The following USP11 variants were observed in gnomAD, a reference collection of about 807,000 sequenced individuals.
USP11 encodes the protein ubiquitin carboxyl-terminal hydrolase 11.
In USP11, 5 loss-of-function variants were observed where a neutral mutation model predicts 72.8. The ratio of observed to expected loss-of-function variants is 0.07; its 90% confidence interval spans 0.04 to 0.14. The LOEUF (loss-of-function observed/expected upper bound fraction) is 0.14, where lower values mean the gene tolerates loss of function less well. Among genes scored for constraint, USP11 ranks in the 10% least tolerant of loss-of-function variants. The pLI is 1.00. For missense variants in USP11, 480 were observed against 794.7 expected, an observed-to-expected ratio of 0.60 and a Z score of 4.76; for synonymous variants, 368 against 326.5, an observed-to-expected ratio of 1.13 and a Z score of -1.37.
chrX:47,246,651 A>G (rs2056719513), intron 17 of USP11, among the ~76,000 whole-genome samples: 2 of 111,064 alleles, frequency 1.8e-5, no homozygotes, highest in Admixed American at 2.0e-4. Context: ...ATGGGCTAAT[A>G]GTAAGAGCAG....
intron 1 of USP11, among the ~76,000 whole-genome samples, chrX:47,235,141 G>C (rs764589469): frequency 1.1e-4 from 12 of 112,161 alleles, no homozygotes; most frequent in African/African-American, 3.6e-4. Context: ...CTTGCTCCAT[G>C]GGAAACTGTT....
At chrX:47,245,117 T>C in intron 16 of USP11, 31 bp downstream of exon 16, 1 of 1,196,614 alleles carries the variant, frequency 8.4e-7, no homozygotes, top group Non-Finnish European at 1.1e-6. Flanking sequence ...GGGGGGTACT[T>C]CCAGCTCTTG....
chrX:47,242,814 C>T (rs1168012117), intron 12 of USP11, 94 bp downstream of exon 12: 29 of 699,246 alleles, frequency 4.1e-5, no homozygotes, highest in Non-Finnish European at 6.5e-5. Flanking sequence ...CTCTTCCCTG[C>T]CTCTGCCTCG....
Position 47,242,513 on chromosome X carries a change from G to T in USP11, c.1479G>T (p.Ser493=), listed in dbSNP as rs993451151. The T allele has an allele frequency of 8.3e-7, 1 of 1,211,753 alleles. No individual in the cohort carries two copies. Among genetic ancestry groups the T allele is most frequent in the Non-Finnish European group, 1.1e-6 (1 of 895,471 alleles). ...CVALSKHTGI[S]PERMMVADVF... ...CTCTGTCCAAACACACGGGCATCTC[G>T]CCAGAGAGGGTGAGACTGCAGAAGG... Residue 493 remains serine, a synonymous_variant, in exon 11 of 21, where the codon TCG becomes TCT. Transcript: ENST00000377107.
At chrX:47,244,427 T>C (rs2055420917) in intron 13 of USP11, 71 bp from the exon 14 acceptor site, 1 of 1,129,308 alleles carries the variant, frequency 8.9e-7, no homozygotes, top group African/African-American at 1.8e-5. Context: ...CCCATTATCT[T>C]AAGTAAAATC....
chrX:47,236,469 G>A (rs2055372433), intron 1 of USP11, among the ~76,000 whole-genome samples: 1 of 112,182 alleles, frequency 8.9e-6, no homozygotes, highest in African/African-American at 3.2e-5. Flanking sequence ...ATTTGGGTGA[G>A]GGTAGTTAAT....
intron 13 of USP11, 45 bp downstream of exon 13, chrX:47,243,647 C>G (rs770235562): frequency 2.6e-6 from 3 of 1,156,713 alleles, no homozygotes; most frequent in Non-Finnish European, 3.5e-6. Context: ...GGGGTCTGAA[C>G]TCCGACTTGG....
intron 4 of USP11, 100 bp downstream of exon 4, chrX:47,240,007 G>A: frequency 1.1e-6 from 1 of 908,487 alleles, no homozygotes; most frequent in Admixed American, 2.3e-5. Context: ...GACTGAGAAG[G>A]CACTGGTCAG....
In USP11 at chrX:47,240,630, G is replaced by C; in HGVS notation, c.725G>C (p.Ser242Thr). 1 of 1,212,112 alleles carries C rather than the reference G, an allele frequency of 8.3e-7. No individual in the cohort carries two copies. The highest frequency in any genetic ancestry group is 1.7e-5 in the African/African-American group (1 of 57,878). ...ETRKKDGTWPSAQLHVMNNNM... is the reference protein window; with the variant it reads ...ETRKKDGTWPTAQLHVMNNNM... The stretch of plus-strand genomic sequence containing the variant: ...CGCAAGAAAGATGGCACTTGGCCCA[G>C]CGCACAGCTGCATGTCATGTGAGCC... Residue 242 changes from serine to threonine, a missense_variant, in exon 6 of 21, where the codon AGC becomes ACC. Around this residue, in one of 5 missense-constraint regions of USP11, gnomAD observed 80 missense variants for 100.9 expected, o/e 0.79. Transcript: ENST00000377107.
intron 13 of USP11, among the ~76,000 whole-genome samples, chrX:47,244,255 C>T (rs1006987268): frequency 9.1e-6 from 1 of 109,881 alleles, no homozygotes; most frequent in Non-Finnish European, 1.9e-5. Context: ...CGCGCCACCA[C>T]GCCCAGCTAA....
At chrX:47,235,131 C>T (rs2055365856) in intron 1 of USP11, among the ~76,000 whole-genome samples, 2 of 112,334 alleles carry the variant, frequency 1.8e-5, no homozygotes, top group Non-Finnish European at 3.8e-5. Flanking sequence ...AATTCCCCTC[C>T]TTGCTCCATG....
chrX:47,240,369 G>A lies in USP11; in HGVS notation c.600G>A (p.Trp200Ter). The change falls in exon 5 of 21, where the codon TGG (tryptophan) becomes TGA (stop). Residue 200 changes from tryptophan to a stop codon, truncating the protein, a stop_gained. Transcript: ENST00000377107. LOFTEE classifies it high-confidence loss of function. ...AGCCCCAGGAAGACACTCGGCTTTG[G>A]GCCAAGAACTCAGAAGGCTCTTTGG... is the stretch of plus-strand genomic sequence containing the variant. Reference protein sequence around the residue: ...LVEPQEDTRLWAKNSEGSLDR... With the variant: ...LVEPQEDTRL The A allele has an allele frequency of 8.3e-7, 1 of 1,211,823 alleles. No individual in the cohort carries two copies. Among genetic ancestry groups the A allele is most frequent in the Non-Finnish European group, 1.1e-6 (1 of 895,541 alleles).
chrX:47,237,660 CAATAT>C (rs2055378923), intron 1 of USP11, among the ~76,000 whole-genome samples: 4 of 111,073 alleles, frequency 3.6e-5, no homozygotes, highest in African/African-American at 6.6e-5. Context: ...GAAAACCAGC[CAATAT>C]AATGTTATGT....
intron 8 of USP11, 37 bp from the exon 9 acceptor site, chrX:47,241,504 C>T (rs574041216): frequency 1.3e-5 from 16 of 1,185,956 alleles, no homozygotes; most frequent in Middle Eastern, 2.4e-4. Context: ...GCTCTCCTAA[C>T]TCCCTCTCTC....
chrX:47,248,167 C>T lies in USP11; in HGVS notation c.*237C>T, dbSNP rs1299007954. On this transcript the variant is annotated 3_prime_UTR_variant, in exon 21 of 21. Coordinates refer to ENST00000377107, the MANE Select transcript of USP11 (RefSeq NM_001371072.1). ...TTTGCCCTTCCAGCAGTGACCCTCC[C>T]TTCTAGTCTTTATTTATGGTCGTGC... 7.2e-6 allele frequency: 3 copies of T among 416,415 alleles called. No homozygotes were observed. The highest frequency in any genetic ancestry group is 5.1e-5 in the African/African-American group (2 of 39,291). 34.3% of individuals were successfully genotyped at this position (416,415 alleles called of 1,213,427 possible). A position where few individuals can be genotyped will look rare whatever the true frequency, so the allele number is the denominator to read the frequency against.
rs2055446500 is a variant in USP11, at chrX:47,248,082, C to T, written c.*152C>T. On this transcript the variant is annotated 3_prime_UTR_variant, in exon 21 of 21. Transcript: ENST00000377107. ...CTACTGTTCTCCTGTGCCGCTGCAT[C>T]GCTCTCTCCCGGGAAAGAACAGGTC... 8.3e-6 allele frequency: 7 copies of T among 846,673 alleles called. No homozygotes were observed. The highest frequency in any genetic ancestry group is 7.0e-5 in the East Asian group (2 of 28,759). 69.8% of individuals were successfully genotyped at this position (846,673 alleles called of 1,213,427 possible).
At chrX:47,247,032 AAAG>A (rs2147355783) in intron 17 of USP11, 37 bp from the exon 18 acceptor site, 1 of 1,164,340 alleles carries the variant, frequency 8.6e-7, no homozygotes, top group Non-Finnish European at 1.1e-6. Flanking sequence ...AAAAAAAAAA[AAAG>A]AAAAAGTCCG....
At chrX:47,238,187 C>CTT (rs756979418) in intron 1 of USP11, among the ~76,000 whole-genome samples, 36 of 84,342 alleles carry the variant, frequency 4.3e-4, no homozygotes, top group African/African-American at 6.6e-4. Context: ...ATATGCAGTT[C>CTT]TTTTTTTTTT....
rs768899509 is a variant in USP11 at position 47,244,832 on chromosome X, C to T, written c.1994C>T (p.Pro665Leu). Residue 665 changes from proline (P) to leucine (L), a missense_variant, in exon 15 of 21, where the codon CCC (proline) becomes CTC (leucine). Coordinates refer to ENST00000377107, the MANE Select transcript of USP11 (RefSeq NM_001371072.1). ...LDNCLGTSQW[P>L]PRRRRKQLFT... Reference sequence around the variant, plus strand: ...AATTGCCTTGGCACATCTCAGTGGCCCCCAAGGCGACGACGCAAGCAGCTG... The same window carrying T: ...AATTGCCTTGGCACATCTCAGTGGCTCCCAAGGCGACGACGCAAGCAGCTG... 1 of 1,211,320 alleles carries T rather than the reference C, an allele frequency of 8.3e-7. No individual in the cohort carries two copies. The highest frequency in any genetic ancestry group is 1.8e-5 in the South Asian group (1 of 56,942).
Sources: allele counts gnomAD v4.1 joint callset (sites outside exome capture counted in the v4.1 genomes callset), GRCh38; gene constraint gnomAD v4.1.1; regional missense constraint gnomAD v4.1.1; transcripts MANE v1.5; gene names NCBI Gene and HGNC (gene_info 2026-07-23, HGNC 2026-07-21).